The following ACACB variants were observed in gnomAD, a reference collection of about 807,000 sequenced individuals.
The protein encoded by ACACB is acetyl-CoA carboxylase 2.
A neutral mutation model predicts 278.8 loss-of-function variants in ACACB; 209 were observed. The observed-to-expected ratio is 0.75, with a 90% CI of 0.67 to 0.84. The LOEUF is 0.84. Ranked by LOEUF, ACACB falls within the 40% of genes least tolerant of loss-of-function variation. The pLI is 0.00. For missense variants in ACACB, 2,850 were observed against 3,269.0 expected (o/e 0.87, Z 3.13); for synonymous variants, 1,174 against 1,285.6 (o/e 0.91, Z 1.86).
Position 109,212,758 on chromosome 12 carries a change from TG to T in ACACB, c.3250-74del, listed in dbSNP as rs1390039769. 6 of 1,246,924 alleles carry T rather than the reference TG, an allele frequency of 4.8e-6. No individual in the cohort carries two copies. In the South Asian group the frequency reaches 5.0e-5, roughly 10 times the overall value. The allele number at this position is 1,246,924 out of a possible 1,614,324, so 77.2% of individuals were successfully genotyped here. A position where few individuals can be genotyped will look rare whatever the true frequency, so the allele number is the denominator to read the frequency against. ...ACCAGTGCTCGTTTGGGTACTGGTT[TG>T]GGGACCCTTTCTTTAGGGGACTGCT... On this transcript the variant is annotated intron_variant, in intron 21 of 52. Coordinates refer to ENST00000338432, the MANE Select transcript of ACACB (RefSeq NM_001093.4).
chr12:109,223,728 C>T, intron 26 of ACACB, 87 bp from the exon 27 acceptor site: 1 of 1,278,044 alleles, frequency 7.8e-7, no homozygotes, highest in Non-Finnish European at 1.1e-6. Context: ...CACCACTGCA[C>T]TCCAGTTTAT....
intron 35 of ACACB, among the ~76,000 whole-genome samples, chr12:109,240,798 A>G (rs965565804): frequency 2.6e-5 from 4 of 151,978 alleles, no homozygotes. Context: ...ACATAGCAGT[A>G]CTAGTTCAGT....
chr12:109,264,488 G>C, intron 50 of ACACB, 102 bp downstream of exon 50: 1 of 1,468,850 alleles, frequency 6.8e-7, no homozygotes, highest in Admixed American at 1.8e-5. Flanking sequence ...TGGTGGTTGG[G>C]ATGGGTCAAA....
intron 2 of ACACB, among the ~76,000 whole-genome samples, chr12:109,155,336 C>T (rs1194471643): frequency 6.6e-6 from 1 of 152,158 alleles, no homozygotes; most frequent in Non-Finnish European, 1.5e-5. Context: ...TGAGCAGGCT[C>T]TCATTGAGGG....
chr12:109,261,567 T>C (rs1307552380), intron 48 of ACACB, among the ~76,000 whole-genome samples: 1 of 150,956 alleles, frequency 6.6e-6, no homozygotes, highest in Non-Finnish European at 1.5e-5. Flanking sequence ...GAATAAGGGG[T>C]AAATAAAAAT....
intron 2 of ACACB, among the ~76,000 whole-genome samples, chr12:109,160,089 C>CA (rs55905665): frequency 0.03 from 2,596 of 87,612 alleles, 74 homozygotes; most frequent in African/African-American, 0.08. Flanking sequence ...GACTCTGTCT[C>CA]AAAAAAAAAA....
At chr12:109,117,063 T>C (rs1427500830) in intron 1 of ACACB, among the ~76,000 whole-genome samples, 25 of 149,144 alleles carry the variant, frequency 1.7e-4, no homozygotes, top group Admixed American at 1.7e-3. Flanking sequence ...TTTTTTTTTT[T>C]TTTTTTTAAA....
intron 16 of ACACB, among the ~76,000 whole-genome samples, chr12:109,194,189 T>TTTG (rs921758306): frequency 6.7e-6 from 1 of 150,366 alleles, no homozygotes. Flanking sequence ...GTTTTTTTTT[T>TTTG]TTGTTGTTGT....
chr12:109,225,987 G>A (rs2046301515), intron 27 of ACACB, among the ~76,000 whole-genome samples: 1 of 151,914 alleles, frequency 6.6e-6, no homozygotes, highest in Non-Finnish European at 1.5e-5. Context: ...AAAATTATAG[G>A]CCAGGTGAGG....
At position 109,259,024 on chromosome 12, in the gene ACACB, G is replaced by A. The variant is rs145553418; in HGVS notation, c.6412G>A (p.Ala2138Thr). ...GTTCCCAGACTCAGCCTACAAAACC[G>A]CCCAGGCCGTCAAGGACTTCAACCG... ...VWFPDSAYKTAQAVKDFNREK... is the reference protein window; with the variant it reads ...VWFPDSAYKTTQAVKDFNREK... Residue 2138 changes from alanine (A) to threonine (T), a missense_variant, in exon 47 of 53, where the codon GCC (alanine) becomes ACC (threonine). By Grantham distance (58) the Ala-to-Thr change is moderately conservative. Around this residue, in one of 3 missense-constraint regions of ACACB, gnomAD observed 579 missense variants for 684.6 expected, o/e 0.85. Coordinates refer to ENST00000338432, the MANE Select transcript of ACACB (RefSeq NM_001093.4). 4.5e-5 allele frequency: 73 copies of A among 1,613,992 alleles called. No individual in the cohort carries two copies. Among genetic ancestry groups the A allele is most frequent in the Middle Eastern group, 3.3e-4 (2 of 6,084 alleles).
At position 109,197,285 on chromosome 12, in the gene ACACB, G is replaced by A. The variant is rs554674988; in HGVS notation, c.2627+132G>A. 6.9e-6 allele frequency: 8 copies of A among 1,153,046 alleles called. No homozygotes were observed. The South Asian group carries it at 1.3e-4, about 19-fold the overall frequency. The allele number at this position is 1,153,046 out of a possible 1,614,324, so 71.4% of individuals were successfully genotyped here. A position where few individuals can be genotyped will look rare whatever the true frequency, so the allele number is the denominator to read the frequency against. ...AGGTGCCTTTCTGGTAAATTCTGGG[G>A]GTGTGCAGAGAAGTTAATCTCTTGG... On this transcript the variant is annotated intron_variant, in intron 17 of 52. Transcript: ENST00000338432.
chr12:109,166,946 C>G lies in ACACB; in HGVS notation c.739C>G (p.Pro247Ala). The G allele has an allele frequency of 6.2e-7, 1 of 1,614,048 alleles. No individual in the cohort carries two copies. Among genetic ancestry groups the G allele is most frequent in the Non-Finnish European group, 8.5e-7 (1 of 1,180,030 alleles). The change falls in exon 3 of 53, where the codon CCC becomes GCC. Residue 247 changes from proline (P) to alanine (A), a missense_variant. This residue lies in a region of ACACB where 2,265 missense variants were observed against 2,561.3 expected (regional missense o/e 0.88). Coordinates refer to ENST00000338432, the MANE Select transcript of ACACB (RefSeq NM_001093.4). ...GCACAGAGACTTTACCGTGGCTTCT[C>G]CCGCTGAGTTTGTCACACGCTTTGG... is the stretch of plus-strand genomic sequence containing the variant. ...DLHRDFTVAS[P>A]AEFVTRFGGD...
At chr12:109,142,537 C>T (rs2300461) in intron 2 of ACACB, among the ~76,000 whole-genome samples, 24,139 of 151,872 alleles carry the variant, frequency 0.16, 2,125 homozygotes, top group East Asian at 0.25. Context: ...TTTATAAAGG[C>T]GAAAACTATC....
rs753880349 is a variant in ACACB at position 109,241,108 on chromosome 12, C to T, written c.4849C>T (p.Arg1617Cys). 1.1e-5 allele frequency: 17 copies of T among 1,613,996 alleles called. No individual in the cohort carries two copies. In the African/African-American group the frequency reaches 1.1e-4, roughly 10 times the overall value. ...IEESVRYMVMRYGSRLWKLRV... is the reference protein window; with the variant it reads ...IEESVRYMVMCYGSRLWKLRV... ...GGAGTCCGTGCGCTACATGGTTATG[C>T]GCTACGGCAGCCGGCTGTGGAAACT... Residue 1617 changes from arginine (R) to cysteine (C), a missense_variant, in exon 36 of 53, where the codon CGC becomes TGC. Physicochemically the swap from Arg to Cys is radical, Grantham distance 180. Transcript: ENST00000338432.
rs756199323 is a variant in ACACB at position 109,262,486 on chromosome 12, G to T, written c.6787+17G>T. ...AACAGCTAGGTAAGGGGGTCCCAAA[G>T]GCTTCACCTCTCAGAGGTCAAGAGA... is the stretch of plus-strand genomic sequence containing the variant. On this transcript the variant is annotated intron_variant, in intron 49 of 52. Transcript: ENST00000338432. 1.9e-6 allele frequency: 3 copies of T among 1,585,154 alleles called. No homozygotes were observed. The highest frequency in any genetic ancestry group is 1.7e-6 in the Non-Finnish European group (2 of 1,155,288).
At chr12:109,120,831 T>G (rs151323478) in intron 1 of ACACB, among the ~76,000 whole-genome samples, 14 of 152,320 alleles carry the variant, frequency 9.2e-5, no homozygotes, top group African/African-American at 3.1e-4. Flanking sequence ...AACAACAGAC[T>G]TTCTCTCTGT....
intron 2 of ACACB, among the ~76,000 whole-genome samples, chr12:109,149,531 C>T (rs1426112551): frequency 6.6e-6 from 1 of 152,184 alleles, no homozygotes; most frequent in Non-Finnish European, 1.5e-5. Flanking sequence ...CTGCAGTGAG[C>T]TATGATTGTG....
At chr12:109,191,231 G>A (rs1203926397) in intron 13 of ACACB, among the ~76,000 whole-genome samples, 2 of 77,822 alleles carry the variant, frequency 2.6e-5, no homozygotes, top group Admixed American at 2.6e-4. Flanking sequence ...TTTTTTTTTT[G>A]GAGACAGAGT....
At chr12:109,226,722 A>G (rs2046324256) in intron 27 of ACACB, among the ~76,000 whole-genome samples, 1 of 151,202 alleles carries the variant, frequency 6.6e-6, no homozygotes, top group African/African-American at 2.4e-5. Context: ...AAAAAAAAGA[A>G]GAATGCAGCC....
Sources: allele counts gnomAD v4.1 joint callset (sites outside exome capture counted in the v4.1 genomes callset), GRCh38; gene constraint gnomAD v4.1.1; regional missense constraint gnomAD v4.1.1; transcripts MANE v1.5; gene names NCBI Gene and HGNC (gene_info 2026-07-23, HGNC 2026-07-21).